KHDRBS2: variants seen among roughly 807,000 people sequenced by gnomAD.
KHDRBS2 encodes the protein KH RNA binding domain containing, signal transduction associated 2.
KHDRBS2 carries 26 observed loss-of-function variants against 44.3 expected under a neutral mutation model. The observed-to-expected ratio is 0.59, with a 90% confidence interval of 0.43 to 0.81. The LOEUF (loss-of-function observed/expected upper bound fraction) is 0.81, where lower values mean the gene tolerates loss of function less well. Among genes scored for constraint, KHDRBS2 ranks in the 40% least tolerant of loss-of-function variants. The pLI is 0.00. For missense variants in KHDRBS2, 476 were observed against 433.1 expected, an observed-to-expected ratio of 1.10 and a Z score of -0.88; for synonymous variants, 194 against 151.1, an observed-to-expected ratio of 1.28 and a Z score of -2.08.
intron 2 of KHDRBS2, among the ~76,000 whole-genome samples, chr6:62,098,057 T>C (rs1801018112): frequency 6.6e-6 from 1 of 152,084 alleles, no homozygotes; most frequent in South Asian, 2.1e-4. Context: ...TTTGGAATTT[T>C]TAATGTTCAA....
intron 5 of KHDRBS2, among the ~76,000 whole-genome samples, chr6:61,897,203 T>A (rs1180768006): frequency 6.6e-6 from 1 of 152,134 alleles, no homozygotes; most frequent in Non-Finnish European, 1.5e-5. Flanking sequence ...TTCCAGGCCA[T>A]ACCCTAGGCC....
At chr6:61,577,316 C>T in the KHDRBS2 span, among the ~76,000 whole-genome samples, 1 of 152,162 alleles carries the variant, frequency 6.6e-6, no homozygotes, top group South Asian at 2.1e-4. Context: ...TTCTTCCACG[C>T]CTGTGTAAGG....
At chr6:61,712,616 C>T (rs1770696958) in intron 7 of KHDRBS2, among the ~76,000 whole-genome samples, 1 of 151,824 alleles carries the variant, frequency 6.6e-6, no homozygotes, top group African/African-American at 2.4e-5. Context: ...ACTTATTAAG[C>T]TATAAAGTCC....
chr6:62,233,166 G>T (rs1833158853), intron 1 of KHDRBS2, among the ~76,000 whole-genome samples: 3 of 152,148 alleles, frequency 2.0e-5, no homozygotes, highest in Admixed American at 6.6e-5. Flanking sequence ...GTGTGAAGGA[G>T]GCTCAGATGC....
chr6:62,054,196 G>T (rs1317644255), intron 2 of KHDRBS2, among the ~76,000 whole-genome samples: 1 of 152,012 alleles, frequency 6.6e-6, no homozygotes, highest in Non-Finnish European at 1.5e-5. Flanking sequence ...GTTTAAAAAA[G>T]TGAAAGTCCA....
chr6:61,967,931 C>CAT (rs1770440794), intron 4 of KHDRBS2, among the ~76,000 whole-genome samples: 2 of 84,016 alleles, frequency 2.4e-5, no homozygotes, highest in Admixed American at 1.3e-4. Context: ...CATACACACA[C>CAT]GTATATATAT....
At chr6:62,080,889 A>C (rs1474977426) in intron 2 of KHDRBS2, among the ~76,000 whole-genome samples, 9 of 152,088 alleles carry the variant, frequency 5.9e-5, no homozygotes, top group Admixed American at 2.6e-4. Context: ...CTATTATTAG[A>C]GTATACAGCT....
At chr6:61,944,812 T>G (rs1812865908) in intron 4 of KHDRBS2, among the ~76,000 whole-genome samples, 1 of 151,638 alleles carries the variant, frequency 6.6e-6, no homozygotes, top group Admixed American at 6.6e-5. Flanking sequence ...CATATGAGGC[T>G]GGGAGCAGTG....
the KHDRBS2 span, among the ~76,000 whole-genome samples, chr6:61,605,439 CT>C: frequency 1.3e-5 from 2 of 152,170 alleles, no homozygotes; most frequent in African/African-American, 4.8e-5. Flanking sequence ...ATAATCTTTG[CT>C]GGCAGGATAT....
intron 6 of KHDRBS2, among the ~76,000 whole-genome samples, chr6:61,785,215 G>C (rs1359561294): frequency 2.6e-5 from 4 of 151,346 alleles, no homozygotes; most frequent in Non-Finnish European, 4.4e-5. Flanking sequence ...CAAAAAAGAG[G>C]GAAGAGTGCA....
intron 4 of KHDRBS2, among the ~76,000 whole-genome samples, chr6:61,968,666 C>A (rs925708834): frequency 6.6e-6 from 1 of 152,002 alleles, no homozygotes; most frequent in Non-Finnish European, 1.5e-5. Flanking sequence ...ACTAATTACA[C>A]AAACCATGCC....
At chr6:61,821,302 G>C (rs1789876606) in intron 6 of KHDRBS2, among the ~76,000 whole-genome samples, 1 of 152,006 alleles carries the variant, frequency 6.6e-6, no homozygotes, top group South Asian at 2.1e-4. Flanking sequence ...ACATCAGGAA[G>C]TGTAGATTAG....
intron 1 of KHDRBS2, among the ~76,000 whole-genome samples, chr6:62,223,234 C>G (rs1276804158): frequency 2.0e-5 from 3 of 152,250 alleles, no homozygotes; most frequent in Non-Finnish European, 4.4e-5. Flanking sequence ...GCAGGCTCAA[C>G]ACCGCGTGGA....
At chr6:61,938,573 C>G (rs1248988090) in intron 4 of KHDRBS2, among the ~76,000 whole-genome samples, 1 of 152,076 alleles carries the variant, frequency 6.6e-6, no homozygotes, top group Non-Finnish European at 1.5e-5. Flanking sequence ...GAAGGTTACT[C>G]TGGTAGTGTT....
intron 3 of KHDRBS2, among the ~76,000 whole-genome samples, chr6:62,025,897 G>T (rs1289002393): frequency 6.6e-6 from 1 of 151,872 alleles, no homozygotes; most frequent in South Asian, 2.1e-4. Context: ...CTAAAGGCTC[G>T]ATTAAATTCA....
Position 62,172,614 on chromosome 6 carries a change from A to G in KHDRBS2, c.219+4571T>C, listed in dbSNP as rs377107826. ...GACATCTAAAGAACTCTCTACCCCA[A>G]AATTTCAAAATATATATTTCTCTCT... On this transcript the variant is annotated intron_variant, in intron 2 of 8. Coordinates refer to ENST00000281156, the MANE Select transcript of KHDRBS2 (RefSeq NM_152688.4). Among the ~76,000 whole-genome samples, 14 of 151,292 alleles carry G rather than the reference A, an allele frequency of 9.3e-5. No homozygotes were observed. In the East Asian group the frequency reaches 2.7e-3, roughly 30 times the overall value.
intron 2 of KHDRBS2, among the ~76,000 whole-genome samples, chr6:62,112,792 G>A (rs781619048): frequency 7.2e-5 from 11 of 152,036 alleles, no homozygotes; most frequent in Non-Finnish European, 1.5e-4. Context: ...TTAGCAAAAT[G>A]GTGCGATATA....
rs576152689 is a variant in KHDRBS2, at chr6:61,750,943, C to T, written c.811-18179G>A. 1.7e-3 allele frequency among the ~76,000 whole-genome samples: 262 copies of T among 151,908 alleles called. 2 individuals are homozygous for T. Among genetic ancestry groups the T allele is most frequent in the African/African-American group, 6.1e-3 (252 of 41,466 alleles). On this transcript the variant is annotated intron_variant, in intron 6 of 8. Transcript: ENST00000281156. ...AGGTAAATGATGACAAAAATTATCACGATTGCTATTATTATCATATACGAC... is the reference window on the plus strand; with the variant it reads ...AGGTAAATGATGACAAAAATTATCATGATTGCTATTATTATCATATACGAC...
At chr6:61,591,744 C>T in the KHDRBS2 span, among the ~76,000 whole-genome samples, 3 of 152,180 alleles carry the variant, frequency 2.0e-5, no homozygotes, top group South Asian at 4.1e-4. Context: ...ATTTAAGTCA[C>T]ATCCCAAATT....
Sources: gnomAD v4.1 joint callset for allele counts (sites outside exome capture counted in the v4.1 genomes callset) on GRCh38, gnomAD v4.1.1 for gene constraint, MANE v1.5 for transcripts, NCBI Gene and HGNC (gene_info 2026-07-23, HGNC 2026-07-21) for gene names.